Variants in RGL1 observed in about 807,000 individuals in gnomAD.
RGL1 encodes the protein ral guanine nucleotide dissociation stimulator like 1.
Under a neutral mutation model 95.2 loss-of-function variants are expected in RGL1, and 24 were observed. The ratio of observed to expected loss-of-function variants is 0.25; its 90% CI spans 0.18 to 0.35. The LOEUF (loss-of-function observed/expected upper bound fraction) is 0.35, where lower values mean the gene tolerates loss of function less well. RGL1 is among the 10% of genes least tolerant of loss of function. The probability of loss-of-function intolerance (pLI) is 1.00; values close to 1 mark genes in which losing one functional copy is unlikely to be tolerated. For missense variants in RGL1, 715 were observed against 936.3 expected (o/e 0.76, Z 3.08); for synonymous variants, 329 against 344.9 (o/e 0.95, Z 0.51).
chr1:183,802,436 A>G (rs75428351), upstream of RGL1, among the ~76,000 whole-genome samples: 2,437 of 152,238 alleles, frequency 0.016, 65 homozygotes, highest in African/African-American at 0.056. Flanking sequence ...TCGTAGTTCC[A>G]TTTGAATTTT....
chr1:183,755,204 TATTTTTTGGCCATATTTAGTTA>T (rs1253554516), intron 2 of RGL1, among the ~76,000 whole-genome samples: 1 of 152,160 alleles, frequency 6.6e-6, no homozygotes, highest in Non-Finnish European at 1.5e-5. Context: ...GTTGAATTTC[TATTTTTTGGCCATATTTAGTTA>T]ATTTTTTGGC....
intron 1 of RGL1, among the ~76,000 whole-genome samples, chr1:183,708,248 G>A (rs1655039040): frequency 6.6e-6 from 1 of 152,114 alleles, no homozygotes; most frequent in East Asian, 1.9e-4. Context: ...ATAACGGAGG[G>A]TAGGCTCGGG....
At chr1:183,675,662 C>T (rs1652781189) in intron 1 of RGL1, among the ~76,000 whole-genome samples, 1 of 152,114 alleles carries the variant, frequency 6.6e-6, no homozygotes, top group Admixed American at 6.6e-5. Context: ...TGCAGTATCC[C>T]TTACAATTTT....
chr1:183,805,161 G>T lies in RGL1; in HGVS notation c.-137G>T, dbSNP rs1338911326. On this transcript the variant is annotated 5_prime_UTR_variant, in exon 1 of 18. Transcript: ENST00000360851. ...GCACCGGCGGCGGCGGGGGCAGCGC[G>T]GCGCGTGTCTGTGCGCTGCGGTCGC... The T allele has an allele frequency of 3.5e-6, 4 of 1,147,686 alleles. No homozygotes were observed. Among genetic ancestry groups the T allele is most frequent in the Non-Finnish European group, 4.5e-6 (4 of 889,706 alleles). 71.1% of individuals were successfully genotyped at this position (1,147,686 alleles called of 1,614,324 possible). A position where few individuals can be genotyped will look rare whatever the true frequency, so the allele number is the denominator to read the frequency against.
intron 2 of RGL1, among the ~76,000 whole-genome samples, chr1:183,781,761 A>T (rs10911434): frequency 0.19 from 28,210 of 152,116 alleles, 3,735 homozygotes; most frequent in African/African-American, 0.37. Context: ...GCACACACAG[A>T]TCCATCTCAT....
At chr1:183,824,497 G>A (rs1030054553) in intron 2 of RGL1, among the ~76,000 whole-genome samples, 2 of 152,176 alleles carry the variant, frequency 1.3e-5, no homozygotes, top group African/African-American at 4.8e-5. Flanking sequence ...GAGTGAAGTA[G>A]TTCTGCTTTT....
intron 1 of RGL1, among the ~76,000 whole-genome samples, chr1:183,697,877 G>A (rs1178552709): frequency 6.6e-6 from 1 of 152,184 alleles, no homozygotes; most frequent in Non-Finnish European, 1.5e-5. Flanking sequence ...GAGTTGTAGC[G>A]GGGCTGGTCC....
Position 183,925,271 on chromosome 1 carries a change from A to C in RGL1, c.2120-834A>C, listed in dbSNP as rs75127070. Among the ~76,000 whole-genome samples, 209 of 152,042 alleles carry C rather than the reference A, an allele frequency of 1.4e-3. 1 individual carries two copies. The highest frequency in any genetic ancestry group is 4.3e-3 in the African/African-American group (179 of 41,464). On this transcript the variant is annotated intron_variant, in intron 17 of 17. Coordinates refer to ENST00000360851, the MANE Select transcript of RGL1 (RefSeq NM_001297671.3). ...GTTTCCTTCTCTCAACAAATACAAT[A>C]CCCAAATTCATATTAGCAGACAGAT...
intron 1 of RGL1, among the ~76,000 whole-genome samples, chr1:183,674,015 C>T (rs1190542402): frequency 6.6e-6 from 1 of 152,116 alleles, no homozygotes; most frequent in Non-Finnish European, 1.5e-5. Context: ...TATTCTTTTT[C>T]TTGTGTTTCC....
intron 2 of RGL1, among the ~76,000 whole-genome samples, chr1:183,788,814 A>G (rs948409030): frequency 1.3e-5 from 2 of 152,162 alleles, no homozygotes; most frequent in South Asian, 2.1e-4. Flanking sequence ...GTATTAGCCT[A>G]TTTGACATGT....
intron 3 of RGL1, among the ~76,000 whole-genome samples, chr1:183,850,878 T>A (rs1305739626): frequency 1.3e-5 from 2 of 152,198 alleles, no homozygotes; most frequent in African/African-American, 4.8e-5. Flanking sequence ...GGTAACCTCT[T>A]CTATTTATGG....
chr1:183,916,704 G>C lies in RGL1; in HGVS notation c.2004+3G>C. ...GCAACATGTACAAGAGCATCATGGT[G>C]AGGAGCAAGCCCTGACCCAGGAGCG... On this transcript the variant is annotated splice_donor_region_variant and intron_variant, in intron 16 of 17. Coordinates refer to ENST00000360851, the MANE Select transcript of RGL1 (RefSeq NM_001297671.3). The C allele has an allele frequency of 6.2e-7, 1 of 1,610,478 alleles. No individual in the cohort carries two copies. The highest frequency in any genetic ancestry group is 8.5e-7 in the Non-Finnish European group (1 of 1,178,892).
chr1:183,895,439 A>G (rs1667638098), intron 9 of RGL1, among the ~76,000 whole-genome samples: 1 of 152,092 alleles, frequency 6.6e-6, no homozygotes, highest in African/African-American at 2.4e-5. Flanking sequence ...GGAGAGAGAG[A>G]GGGAGAAGGA....
Position 183,711,682 on chromosome 1 carries a change from A to G in RGL1, c.-32-30444A>G, listed in dbSNP as rs752480259. 1.5e-4 allele frequency among the ~76,000 whole-genome samples: 23 copies of G among 152,092 alleles called. 1 individual carries two copies. Among genetic ancestry groups the G allele is most frequent in the Admixed American group, 3.9e-4 (6 of 15,274 alleles). On this transcript the variant is annotated intron_variant, in intron 1 of 18. Coordinates refer to the RGL1 transcript ENST00000304685. Reference sequence around the variant, plus strand: ...TCTGGAGAGGTCAGCTCTACATTCAATTGAACCTGTGAGTGGATTTGGCAA... The same window carrying G: ...TCTGGAGAGGTCAGCTCTACATTCAGTTGAACCTGTGAGTGGATTTGGCAA...
rs534534047 is a variant in RGL1, at chr1:183,928,120, T to C, written c.*1828T>C. 11 of 152,306 alleles carry C rather than the reference T, an allele frequency of 7.2e-5. No homozygotes were observed. Among genetic ancestry groups the C allele is most frequent in the African/African-American group, 2.7e-4 (11 of 41,424 alleles). 9.4% of individuals were successfully genotyped at this position (152,306 alleles called of 1,614,324 possible). A position where few individuals can be genotyped will look rare whatever the true frequency, so the allele number is the denominator to read the frequency against. ...GCCAGGGTGGCAGCCCTCATGCAGGTTGAAGTATATGTAGCCTCAGCCTGA... is the reference window on the plus strand; with the variant it reads ...GCCAGGGTGGCAGCCCTCATGCAGGCTGAAGTATATGTAGCCTCAGCCTGA... On this transcript the variant is annotated 3_prime_UTR_variant, in exon 18 of 18. Coordinates refer to ENST00000360851, the MANE Select transcript of RGL1 (RefSeq NM_001297671.3).
chr1:183,658,940 C>A (rs1220689591), intron 1 of RGL1, among the ~76,000 whole-genome samples: 7 of 151,794 alleles, frequency 4.6e-5, no homozygotes, highest in Non-Finnish European at 8.8e-5. Context: ...GGTACCCAGG[C>A]AAACAGGGTC....
intron 2 of RGL1, among the ~76,000 whole-genome samples, chr1:183,772,038 G>A (rs564881688): frequency 3.2e-4 from 49 of 152,330 alleles, no homozygotes; most frequent in African/African-American, 1.1e-3. Context: ...GGAGGAGAGC[G>A]CCCGCTGCCC....
intron 1 of RGL1, among the ~76,000 whole-genome samples, chr1:183,715,135 C>A (rs1270131595): frequency 6.6e-6 from 1 of 152,118 alleles, no homozygotes; most frequent in Non-Finnish European, 1.5e-5. Context: ...CATTTGAACC[C>A]CAGCCTATAT....
At chr1:183,785,260 TC>T (rs758305195) in intron 2 of RGL1, among the ~76,000 whole-genome samples, 30 of 152,244 alleles carry the variant, frequency 2.0e-4, no homozygotes, top group Non-Finnish European at 3.5e-4. Flanking sequence ...TTCAGGTGTA[TC>T]AAACTATTTT....
Sources: allele counts gnomAD v4.1 joint callset (sites outside exome capture counted in the v4.1 genomes callset), GRCh38; gene constraint gnomAD v4.1.1; transcripts MANE v1.5; gene names NCBI Gene and HGNC (gene_info 2026-07-23, HGNC 2026-07-21).